Variants in DNAH6 observed in about 807,000 individuals in gnomAD.
DNAH6 encodes axonemal beta dynein heavy chain 6.
In DNAH6, 340 loss-of-function variants were observed where a neutral mutation model predicts 491.4. That is an observed-to-expected ratio of 0.69 (90% confidence interval 0.63 to 0.76). The LOEUF is 0.76. DNAH6 is among the 30% of genes least tolerant of loss of function. The pLI, the probability that DNAH6 is intolerant of heterozygous loss-of-function variation, is 0.00. For missense variants in DNAH6, 4,443 were observed against 4,972.2 expected (o/e 0.89, Z 3.20); for synonymous variants, 1,603 against 1,686.1 (o/e 0.95, Z 1.21).
At chr2:84,555,699 T>G (rs576869526) in intron 10 of DNAH6, among the ~76,000 whole-genome samples, 1 of 152,304 alleles carries the variant, frequency 6.6e-6, no homozygotes, top group Middle Eastern at 3.4e-3. Flanking sequence ...ATTGAACTTA[T>G]CGATTTCTTC....
intron 39 of DNAH6, among the ~76,000 whole-genome samples, chr2:84,671,118 G>A (rs1692698855): frequency 6.6e-6 from 1 of 152,082 alleles, no homozygotes; most frequent in Non-Finnish European, 1.5e-5. Context: ...GAGTATGCAG[G>A]GAATGGGAGG....
chr2:84,635,136 A>C (rs1171807665), intron 30 of DNAH6, among the ~76,000 whole-genome samples: 2 of 152,234 alleles, frequency 1.3e-5, no homozygotes, highest in Non-Finnish European at 2.9e-5. Context: ...CTCTGGACTC[A>C]GCTCTAGCTC....
At chr2:84,718,160 G>A in intron 58 of DNAH6, 44 bp from the exon 59 acceptor site, 1 of 1,429,832 alleles carries the variant, frequency 7.0e-7, no homozygotes, top group Non-Finnish European at 9.3e-7. Context: ...CAACTTTGAG[G>A]CACTGGCAGA....
At chr2:84,614,988 T>A (rs1376944410) in intron 22 of DNAH6, among the ~76,000 whole-genome samples, 1 of 152,146 alleles carries the variant, frequency 6.6e-6, no homozygotes, top group African/African-American at 2.4e-5. Context: ...TTACTCTGCT[T>A]GCTGTTTCTT....
chr2:84,765,492 G>C (rs1674992055), intron 64 of DNAH6, among the ~76,000 whole-genome samples: 1 of 151,954 alleles, frequency 6.6e-6, no homozygotes, highest in Non-Finnish European at 1.5e-5. Flanking sequence ...TATTCAGGAG[G>C]AAAAAAGAAG....
At chr2:84,466,487 A>G in the DNAH6 span, among the ~76,000 whole-genome samples, 8 of 152,264 alleles carry the variant, frequency 5.3e-5, no homozygotes, top group African/African-American at 1.4e-4. Context: ...ACTCTACTCA[A>G]TTGCTAAAAC....
intron 68 of DNAH6, among the ~76,000 whole-genome samples, chr2:84,792,182 G>C (rs1381213863): frequency 1.3e-5 from 2 of 152,128 alleles, no homozygotes; most frequent in African/African-American, 4.8e-5. Flanking sequence ...ATAGTCAAAA[G>C]TCTAGAAGTA....
the DNAH6 span, among the ~76,000 whole-genome samples, chr2:84,491,614 C>A: frequency 6.6e-6 from 1 of 152,188 alleles, no homozygotes; most frequent in Admixed American, 6.5e-5. Flanking sequence ...TTCATTCTAT[C>A]TTCATTGTGG....
At chr2:84,683,191 A>G (rs1334232899) in intron 42 of DNAH6, among the ~76,000 whole-genome samples, 3 of 152,082 alleles carry the variant, frequency 2.0e-5, no homozygotes, top group Admixed American at 6.5e-5. Context: ...GTGTTCATGT[A>G]TCTGTCTCTC....
chr2:84,801,247 TA>T (rs1035831956), intron 70 of DNAH6, among the ~76,000 whole-genome samples: 6 of 95,686 alleles, frequency 6.3e-5, no homozygotes, highest in Non-Finnish European at 1.1e-4. Context: ...AAAGTATAAT[TA>T]AAAAAAAAGA....
Position 84,672,347 on chromosome 2 carries a change from A to G in DNAH6, c.6475A>G (p.Ile2159Val). The change falls in exon 40 of 77, where the codon ATT becomes GTT. Residue 2159 changes from isoleucine (I) to valine (V), a missense_variant. By Grantham distance (29) the Ile-to-Val change is conservative. Transcript: ENST00000389394. The stretch of plus-strand genomic sequence containing the variant: ...CCTAGGAGCACCGGGAAACAAACGA[A>G]TTGTGATTTTTGTTGATGATTTAAA... Reference protein sequence around the residue: ...NILGAPGNKRIVIFVDDLNMP... With the variant: ...NILGAPGNKRVVIFVDDLNMP... 6.5e-7 allele frequency: 1 copy of G among 1,549,034 alleles called. No individual in the cohort carries two copies. Among genetic ancestry groups the G allele is most frequent in the African/African-American group, 1.4e-5 (1 of 73,078 alleles).
intron 16 of DNAH6, among the ~76,000 whole-genome samples, chr2:84,591,105 A>G (rs1573132370): frequency 6.6e-6 from 1 of 152,312 alleles, no homozygotes; most frequent in East Asian, 1.9e-4. Context: ...AATGTGATAC[A>G]TTATCAGGGG....
intron 37 of DNAH6, among the ~76,000 whole-genome samples, chr2:84,664,909 C>T (rs140279892): frequency 8.7e-4 from 132 of 152,296 alleles, no homozygotes; most frequent in African/African-American, 3.0e-3. Context: ...TCTCAGACCA[C>T]GGTGCAATCA....
chr2:84,505,652 G>A, the DNAH6 span, among the ~76,000 whole-genome samples: 2 of 152,036 alleles, frequency 1.3e-5, no homozygotes, highest in Admixed American at 1.3e-4. Context: ...TTGGTGTGCT[G>A]CACCATTAAC....
intron 10 of DNAH6, among the ~76,000 whole-genome samples, chr2:84,554,748 A>G (rs1679852595): frequency 1.3e-5 from 2 of 152,234 alleles, no homozygotes; most frequent in Non-Finnish European, 2.9e-5. Flanking sequence ...AGGAGCTCTC[A>G]TGCCAAGAGG....
At position 84,710,285 on chromosome 2, in the gene DNAH6, A is replaced by G. The variant is rs1696908156; in HGVS notation, c.9253-2A>G. The G allele has an allele frequency of 6.4e-7, 1 of 1,551,456 alleles. No individual in the cohort carries two copies. The highest frequency in any genetic ancestry group is 1.4e-5 in the African/African-American group (1 of 73,166). On this transcript the variant is annotated splice_acceptor_variant, in intron 55 of 76. Transcript: ENST00000389394. LOFTEE classifies it high-confidence loss of function. The stretch of plus-strand genomic sequence containing the variant: ...TGTTCTGCTCTGTGCTTTTCCAAAC[A>G]GGCAAACCGTTGGATAAGGAACAAG...
chr2:84,760,434 A>G (rs899027976), intron 63 of DNAH6, among the ~76,000 whole-genome samples: 1 of 152,230 alleles, frequency 6.6e-6, no homozygotes, highest in Non-Finnish European at 1.5e-5. Context: ...AATATCCACA[A>G]TACACAAGGA....
chr2:84,591,675 A>C (rs2104133645), intron 16 of DNAH6, among the ~76,000 whole-genome samples: 1 of 152,320 alleles, frequency 6.6e-6, no homozygotes, highest in Middle Eastern at 3.4e-3. Flanking sequence ...AATAGGAAAA[A>C]AGCTAAAGGT....
chr2:84,715,670 G>A, intron 58 of DNAH6, 43 bp downstream of exon 58: 1 of 1,515,544 alleles, frequency 6.6e-7, no homozygotes, highest in Non-Finnish European at 9.0e-7. Context: ...GGGTATTGTG[G>A]GTTTCCTAAA....
Sources: gnomAD v4.1 joint callset for allele counts (sites outside exome capture counted in the v4.1 genomes callset) on GRCh38, gnomAD v4.1.1 for gene constraint, MANE v1.5 for transcripts, NCBI Gene and HGNC (gene_info 2026-07-23, HGNC 2026-07-21) for gene names.